MYH13: variants seen among roughly 807,000 people sequenced by gnomAD.
MYH13 encodes the protein myosin heavy chain 13, also known as myosin-13.
MYH13 carries 177 observed loss-of-function variants against 232.1 expected under a neutral mutation model. The ratio of observed to expected loss-of-function variants is 0.76; its 90% CI spans 0.67 to 0.86. MYH13 has a LOEUF of 0.86. Ranked by LOEUF, MYH13 falls within the 40% of genes least tolerant of loss-of-function variation. The probability of loss-of-function intolerance (pLI) is 0.00; values close to 1 mark genes in which losing one functional copy is unlikely to be tolerated. For synonymous variants in MYH13, 884 were observed against 923.5 expected (o/e 0.96, Z 0.78); for missense variants, 2,246 against 2,405.9 (o/e 0.93, Z 1.39).
intron 5 of MYH13, among the ~76,000 whole-genome samples, chr17:10,360,728 T>G (rs1182738934): frequency 6.6e-6 from 1 of 152,168 alleles, no homozygotes; most frequent in African/African-American, 2.4e-5. Context: ...TATTTGGAAA[T>G]AAGATGTAAA....
rs542228462 is a variant in MYH13 at position 10,357,469 on chromosome 17, G to A, written c.738+266C>T. Reference sequence around the variant, plus strand: ...GCATAAAGTTGATCTCTAATTGTGGGATTTGAATCATGTGAGTGACTTCAG... The same window carrying A: ...GCATAAAGTTGATCTCTAATTGTGGAATTTGAATCATGTGAGTGACTTCAG... On this transcript the variant is annotated intron_variant, in intron 8 of 40. Coordinates refer to ENST00000252172, the MANE Select transcript of MYH13 (RefSeq NM_003802.3). 2.0e-4 allele frequency among the ~76,000 whole-genome samples: 31 copies of A among 152,270 alleles called. No individual in the cohort carries two copies. The South Asian group carries it at 6.0e-3, about 30-fold the overall frequency.
At position 10,309,372 on chromosome 17, in the gene MYH13, G is replaced by A; in HGVS notation, c.5031C>T (p.Ile1677=). 6.2e-7 allele frequency: 1 copy of A among 1,612,706 alleles called. No homozygotes were observed. The highest frequency in any genetic ancestry group is 8.5e-7 in the Non-Finnish European group (1 of 1,179,380). ...SNEDLKEQLA[I]VERRNGLLLE... ...GCAGGAGGCCATTCCTGCGCTCCAC[G>A]ATGGCCAGCTGCTCCTTGAGGTCCT... Residue 1677 remains isoleucine (I), a synonymous_variant, in exon 35 of 41, where the codon ATC becomes ATT. Coordinates refer to ENST00000252172, the MANE Select transcript of MYH13 (RefSeq NM_003802.3).
intron 16 of MYH13, among the ~76,000 whole-genome samples, chr17:10,343,441 G>A (rs958673942): frequency 8.5e-5 from 13 of 152,106 alleles, no homozygotes. Flanking sequence ...CAAGTGATCG[G>A]CCCCCGCCTT....
Position 10,303,487 on chromosome 17 carries a change from C to T in MYH13, c.5478G>A (p.Leu1826=). 6.2e-7 allele frequency: 1 copy of T among 1,613,926 alleles called. No individual in the cohort carries two copies. The highest frequency in any genetic ancestry group is 8.5e-7 in the Non-Finnish European group (1 of 1,179,860). ...TCTGTTCCACATCAAGCTCATTTTC[C>T]AGCTCCCGCACCTGAGTAGGATGAA... The part of the protein sequence containing the change: ...IQKLENRVRE[L]ENELDVEQKR... Residue 1826 remains leucine, a synonymous_variant, in exon 38 of 41, where the codon CTG becomes CTA. Coordinates refer to ENST00000252172, the MANE Select transcript of MYH13 (RefSeq NM_003802.3).
At chr17:10,362,543 C>A (rs770110651) in intron 3 of MYH13, 40 bp from the exon 4 acceptor site, 8 of 1,612,954 alleles carry the variant, frequency 5.0e-6, no homozygotes, top group African/African-American at 1.3e-5. Flanking sequence ...AATTGGTGAG[C>A]CAAGTGCCCA....
In MYH13 at chr17:10,344,088, G is replaced by A. The variant is rs1300204880; in HGVS notation, c.1606C>T (p.Leu536=). The A allele has an allele frequency of 1.9e-6, 3 of 1,613,930 alleles. No homozygotes were observed. The Admixed American group carries it at 5.0e-5, about 27-fold the overall frequency. ...IEKPMGIFSI[L]EEECMFPKAT... Reference sequence around the variant, plus strand: ...TTGGGGAACATGCACTCCTCTTCCAGGATGGAGAAGATGCCCATAGGCTGG... The same window carrying A: ...TTGGGGAACATGCACTCCTCTTCCAAGATGGAGAAGATGCCCATAGGCTGG... Residue 536 remains leucine (L), a synonymous_variant, in exon 16 of 41, where the codon CTG becomes TTG. Coordinates refer to ENST00000252172, the MANE Select transcript of MYH13 (RefSeq NM_003802.3).
intron 8 of MYH13, 47 bp from the exon 9 acceptor site, chr17:10,355,194 G>A (rs768858773): frequency 1.9e-6 from 3 of 1,542,468 alleles, no homozygotes; most frequent in South Asian, 2.4e-5. Context: ...TGATTTATAT[G>A]GTTTTGTGGC....
intron 20 of MYH13, among the ~76,000 whole-genome samples, chr17:10,331,529 T>C (rs1907407759): frequency 1.3e-5 from 2 of 152,216 alleles, no homozygotes; most frequent in Non-Finnish European, 2.9e-5. Flanking sequence ...TGCAGGAGGC[T>C]TCTCACAGGG....
intron 23 of MYH13, among the ~76,000 whole-genome samples, chr17:10,322,630 G>GTTT (rs769352001): frequency 1.8e-3 from 195 of 107,534 alleles, no homozygotes; most frequent in African/African-American, 2.0e-3. Context: ...TGTTACAGTT[G>GTTT]TTTTTTTTTT....
In MYH13 at chr17:10,364,388, A is replaced by T; in HGVS notation, c.143T>A (p.Val48Glu). The T allele has an allele frequency of 1.2e-6, 2 of 1,613,902 alleles. No individual in the cohort carries two copies. Reference sequence around the variant, plus strand: ...TTCCCTAGTCTGGATCATGCCTTTCACATACATTTCCTTATTATCCGCTAC... The same window carrying T: ...TTCCCTAGTCTGGATCATGCCTTTCTCATACATTTCCTTATTATCCGCTAC... Reference protein sequence around the residue: ...CFVADNKEMYVKGMIQTREND... With the variant: ...CFVADNKEMYEKGMIQTREND... The change falls in exon 3 of 41, where the codon GTG (valine) becomes GAG (glutamate). Residue 48 changes from valine to glutamate, a missense_variant. By Grantham distance (121) the Val-to-Glu change is moderately radical. Transcript: ENST00000252172.
chr17:10,326,839 G>A (rs931938681), intron 22 of MYH13, among the ~76,000 whole-genome samples: 12 of 142,580 alleles, frequency 8.4e-5, no homozygotes, highest in East Asian at 4.3e-4. Flanking sequence ...TTTTGAGATC[G>A]GGGTCTCACT....
chr17:10,346,216 GGT>G, intron 13 of MYH13, among the ~76,000 whole-genome samples: 1 of 152,158 alleles, frequency 6.6e-6, no homozygotes, highest in Admixed American at 6.5e-5. Context: ...TTAGACCAGA[GGT>G]GAACACTTGA....
chr17:10,312,074 G>A lies in MYH13; in HGVS notation c.4368C>T (p.Val1456=). ...CCAGCTTTTGCTTCCACTCTGCAAG[G>A]ACCTGGGAGATGACAAAGGGACATG... ...LDKKQRNFDK[V]LAEWKQKLDE... is the part of the protein sequence containing the mutation. Residue 1456 remains valine, a splice_region_variant and synonymous_variant, in exon 32 of 41, where the codon GTC becomes GTT. Coordinates refer to ENST00000252172, the MANE Select transcript of MYH13 (RefSeq NM_003802.3). The A allele has an allele frequency of 1.2e-6, 2 of 1,613,564 alleles. No individual in the cohort carries two copies. The highest frequency in any genetic ancestry group is 1.1e-5 in the South Asian group (1 of 91,054).
Position 10,306,759 on chromosome 17 carries a change from C to G in MYH13, c.5296-130G>C. On this transcript the variant is annotated intron_variant, in intron 36 of 40. Coordinates refer to ENST00000252172, the MANE Select transcript of MYH13 (RefSeq NM_003802.3). This position sits in a 1 kb window ranked among gnomAD's most constrained non-coding sequence, Gnocchi z 4.3. ...TGACTGGGGCCAGTCATTGCTGATT[C>G]CCCACAGCCTCCCCTCCCACTTTGC... 1 of 1,517,848 alleles carries G rather than the reference C, an allele frequency of 6.6e-7. No homozygotes were observed. Among genetic ancestry groups the G allele is most frequent in the Non-Finnish European group, 8.8e-7 (1 of 1,132,864 alleles). 94.0% of individuals were successfully genotyped at this position (1,517,848 alleles called of 1,614,324 possible). A position where few individuals can be genotyped will look rare whatever the true frequency, so the allele number is the denominator to read the frequency against.
chr17:10,369,030 A>G (rs1330066603), intron 2 of MYH13, among the ~76,000 whole-genome samples: 1 of 152,200 alleles, frequency 6.6e-6, no homozygotes, highest in Non-Finnish European at 1.5e-5. Flanking sequence ...AGCCAAAACC[A>G]TGGCACAGTC....
Position 10,309,408 on chromosome 17 carries a change from C to T in MYH13, c.4995G>A (p.Leu1665=). The T allele has an allele frequency of 6.2e-7, 1 of 1,608,466 alleles. No homozygotes were observed. The highest frequency in any genetic ancestry group is 8.5e-7 in the Non-Finnish European group (1 of 1,177,326). The part of the protein sequence containing the change: ...KDSQLHLDDA[L]RSNEDLKEQL... ...GCTCCTTGAGGTCCTCATTGCTCCTCAGGGCGTCATCGAGATGCAGCTGGG... is the reference window on the plus strand; with the variant it reads ...GCTCCTTGAGGTCCTCATTGCTCCTTAGGGCGTCATCGAGATGCAGCTGGG... Residue 1665 remains leucine, a synonymous_variant, in exon 35 of 41, where the codon CTG becomes CTA. Coordinates refer to ENST00000252172, the MANE Select transcript of MYH13 (RefSeq NM_003802.3).
intron 40 of MYH13, 137 bp from the exon 41 acceptor site, chr17:10,301,102 A>G (rs1017091138): frequency 7.4e-5 from 61 of 819,990 alleles, no homozygotes; most frequent in Non-Finnish European, 1.2e-4. Flanking sequence ...CCCTTTGAAC[A>G]TTGTAAAAGC....
chr17:10,322,659 A>C (rs1376386779), intron 23 of MYH13, among the ~76,000 whole-genome samples: 3 of 101,794 alleles, frequency 2.9e-5, no homozygotes, highest in Non-Finnish European at 5.5e-5. Context: ...TTTGAGAGGG[A>C]GTCTCACTCT....
In MYH13 at chr17:10,354,882, T is replaced by C. The variant is rs368466414; in HGVS notation, c.901+13A>G. 2.0e-4 allele frequency: 312 copies of C among 1,593,092 alleles called. No homozygotes were observed. Among genetic ancestry groups the C allele is most frequent in the Non-Finnish European group, 2.6e-4 (297 of 1,161,230 alleles). On this transcript the variant is annotated intron_variant, in intron 10 of 40. Transcript: ENST00000252172. ...CCGATTTGGAACATAAGAAAGGTATTCCAAGAGCTTACCAATTAGTTCTGG... is the reference window on the plus strand; with the variant it reads ...CCGATTTGGAACATAAGAAAGGTATCCCAAGAGCTTACCAATTAGTTCTGG...
Sources: allele counts gnomAD v4.1 joint callset (sites outside exome capture counted in the v4.1 genomes callset), GRCh38; gene constraint gnomAD v4.1.1; non-coding constraint Gnocchi (gnomAD v3.1); transcripts MANE v1.5; gene names NCBI Gene and HGNC (gene_info 2026-07-23, HGNC 2026-07-21).